Variants in LYPLAL1 observed in about 807,000 individuals in gnomAD.
LYPLAL1 encodes the protein lysophospholipase like 1, also known as lysophospholipase-like protein 1.
A neutral mutation model predicts 19.7 loss-of-function variants in LYPLAL1; 23 were observed. The ratio of observed to expected loss-of-function variants is 1.17; its 90% confidence interval spans 0.84 to 1.65. The LOEUF is 1.65. Ranked by LOEUF, LYPLAL1 falls within the 40% of genes most tolerant of loss-of-function variation. The pLI is 0.00. For missense variants in LYPLAL1, 355 were observed against 279.4 expected (o/e 1.27, Z -1.93); for synonymous variants, 119 against 96.3 (o/e 1.24, Z -1.38).
the LYPLAL1 span, among the ~76,000 whole-genome samples, chr1:219,321,669 C>T: frequency 1.3e-5 from 2 of 152,102 alleles, no homozygotes; most frequent in African/African-American, 4.8e-5. Flanking sequence ...CCAAAATGGT[C>T]AGTGGCACCA....
the LYPLAL1 span, among the ~76,000 whole-genome samples, chr1:219,306,742 A>ATAGATAGAT: frequency 1.4e-4 from 1 of 7,010 alleles, no homozygotes; most frequent in Non-Finnish European, 4.8e-4. Context: ...AGACAGATGC[A>ATAGATAGAT]TAGATAGATA....
chr1:219,197,267 T>A (rs1469145848), intron 3 of LYPLAL1, among the ~76,000 whole-genome samples: 3 of 152,064 alleles, frequency 2.0e-5, no homozygotes, highest in Non-Finnish European at 2.9e-5. Context: ...ATGGCACTGG[T>A]ACAAAAACAG....
chr1:219,309,474 G>A, the LYPLAL1 span, among the ~76,000 whole-genome samples: 1 of 152,134 alleles, frequency 6.6e-6, no homozygotes, highest in Non-Finnish European at 1.5e-5. Flanking sequence ...GATATGCTTT[G>A]TCTCTGTGTC....
At chr1:219,330,908 G>A in the LYPLAL1 span, among the ~76,000 whole-genome samples, 1 of 152,144 alleles carries the variant, frequency 6.6e-6, no homozygotes, top group Admixed American at 6.5e-5. Context: ...TTTATATAAT[G>A]CACAGTTTCT....
chr1:219,291,342 C>A, the LYPLAL1 span, among the ~76,000 whole-genome samples: 2 of 152,156 alleles, frequency 1.3e-5, no homozygotes, highest in Non-Finnish European at 2.9e-5. Context: ...AGAAAATACT[C>A]TTTTATTTAT....
At chr1:219,249,497 C>G in the LYPLAL1 span, among the ~76,000 whole-genome samples, 3 of 151,946 alleles carry the variant, frequency 2.0e-5, no homozygotes, top group Non-Finnish European at 4.4e-5. Flanking sequence ...ATGAGCACCA[C>G]TGACATGAAT....
the LYPLAL1 span, among the ~76,000 whole-genome samples, chr1:219,354,550 C>T: frequency 6.6e-6 from 1 of 152,096 alleles, no homozygotes; most frequent in Admixed American, 6.6e-5. Flanking sequence ...GATCAATTAA[C>T]CTAAAGCAAT....
At chr1:219,224,742 G>A in the LYPLAL1 span, among the ~76,000 whole-genome samples, 1 of 152,084 alleles carries the variant, frequency 6.6e-6, no homozygotes, top group Non-Finnish European at 1.5e-5. Context: ...TTACTGTTCT[G>A]CTAAAGGAAT....
At chr1:219,214,880 G>C (rs1397098232), downstream of LYPLAL1, among the ~76,000 whole-genome samples, 1 of 151,480 alleles carries the variant, frequency 6.6e-6, no homozygotes, top group Non-Finnish European at 1.5e-5. Context: ...AATAGAGATG[G>C]GTTTTCACCA....
the LYPLAL1 span, among the ~76,000 whole-genome samples, chr1:219,440,024 C>CATAT: frequency 9.1e-4 from 120 of 132,382 alleles, 2 homozygotes; most frequent in Admixed American, 1.6e-3. Context: ...CACACACACA[C>CATAT]ATATATATAT....
the LYPLAL1 span, among the ~76,000 whole-genome samples, chr1:219,266,375 TG>T: frequency 2.0e-5 from 3 of 152,202 alleles, no homozygotes; most frequent in African/African-American, 7.2e-5. Flanking sequence ...CACTGTCTTC[TG>T]CTACTACGTC....
the LYPLAL1 span, among the ~76,000 whole-genome samples, chr1:219,352,103 G>A: frequency 6.6e-6 from 1 of 152,198 alleles, no homozygotes; most frequent in East Asian, 1.9e-4. Flanking sequence ...CATGATTAAG[G>A]AAAGAGCTTA....
chr1:219,211,424 T>A, intron 4 of LYPLAL1, 68 bp from the exon 5 acceptor site: 1 of 1,096,426 alleles, frequency 9.1e-7, no homozygotes, highest in South Asian at 1.6e-5. Context: ...TCCTGTTCTC[T>A]CTGATTTCTA....
chr1:219,341,484 T>A, the LYPLAL1 span, among the ~76,000 whole-genome samples: 1 of 152,124 alleles, frequency 6.6e-6, no homozygotes, highest in Non-Finnish European at 1.5e-5. Context: ...TTATTTTATT[T>A]CTCAAGGTGG....
the LYPLAL1 span, among the ~76,000 whole-genome samples, chr1:219,291,523 T>C: frequency 6.6e-6 from 1 of 152,192 alleles, no homozygotes; most frequent in Non-Finnish European, 1.5e-5. Flanking sequence ...ATGCTTACTA[T>C]GTTTCAGGGG....
chr1:219,373,577 T>G, the LYPLAL1 span, among the ~76,000 whole-genome samples: 1 of 152,150 alleles, frequency 6.6e-6, no homozygotes, highest in Non-Finnish European at 1.5e-5. Flanking sequence ...TTTCCTAGGC[T>G]TCTCTGCCTC....
At chr1:219,240,570 A>G in the LYPLAL1 span, among the ~76,000 whole-genome samples, 1 of 152,228 alleles carries the variant, frequency 6.6e-6, no homozygotes, top group Non-Finnish European at 1.5e-5. Flanking sequence ...GAACTATAAT[A>G]TCAAGAAGAA....
the LYPLAL1 span, among the ~76,000 whole-genome samples, chr1:219,384,142 C>T: frequency 6.6e-6 from 1 of 152,192 alleles, no homozygotes; most frequent in African/African-American, 2.4e-5. Context: ...CATCCATTTT[C>T]ATCTTTACCA....
chr1:219,403,113 C>T, the LYPLAL1 span, among the ~76,000 whole-genome samples: 1 of 152,176 alleles, frequency 6.6e-6, no homozygotes, highest in Non-Finnish European at 1.5e-5. Context: ...CAAGTCATCA[C>T]CATCATAGTA....
Sources: gnomAD v4.1 joint callset for allele counts (sites outside exome capture counted in the v4.1 genomes callset) on GRCh38, gnomAD v4.1.1 for gene constraint, MANE v1.5 for transcripts, NCBI Gene and HGNC (gene_info 2026-07-23, HGNC 2026-07-21) for gene names.